Variants in CNTN4 observed in about 807,000 individuals in gnomAD.
CNTN4 encodes the protein contactin-4.
CNTN4 carries 77 observed loss-of-function variants against 122.5 expected under a neutral mutation model. The ratio of observed to expected loss-of-function variants is 0.63; its 90% CI spans 0.52 to 0.76. CNTN4 has a LOEUF of 0.76. CNTN4 is among the 30% of genes least tolerant of loss of function. The probability of loss-of-function intolerance (pLI) is 0.00; values close to 1 mark genes in which losing one functional copy is unlikely to be tolerated. For missense variants in CNTN4, 1,256 were observed against 1,259.1 expected (o/e 1.00, Z 0.04); for synonymous variants, 512 against 447.0 (o/e 1.15, Z -1.83).
chr3:2,962,575 A>T (rs80175623), intron 13 of CNTN4, among the ~76,000 whole-genome samples: 11,113 of 152,274 alleles, frequency 0.073, 446 homozygotes, highest in African/African-American at 0.091. Flanking sequence ...CAGAAGCTGT[A>T]TATTTACAGG....
At chr3:2,691,122 C>CT (rs2085715235) in intron 4 of CNTN4, among the ~76,000 whole-genome samples, 1 of 152,266 alleles carries the variant, frequency 6.6e-6, no homozygotes, top group African/African-American at 2.4e-5. Flanking sequence ...ATATGTATGG[C>CT]TTGTCTCTGC....
chr3:2,113,768 C>T lies in CNTN4; in HGVS notation c.-145+13129C>T, dbSNP rs151133114. Among the ~76,000 whole-genome samples, 221 of 152,264 alleles carry T rather than the reference C, an allele frequency of 1.5e-3. 1 individual carries two copies. The highest frequency in any genetic ancestry group is 4.9e-3 in the African/African-American group (203 of 41,576). On this transcript the variant is annotated intron_variant, in intron 2 of 24. Coordinates refer to ENST00000418658, the MANE Select transcript of CNTN4 (RefSeq NM_175607.3). ...ATGGAATAGACAATGCTTTGAAAAT[C>T]ACTGGAGGGAGGCTTTATTGTTTGT...
In CNTN4 at chr3:2,877,257, A is replaced by G. The variant is rs1185628654; in HGVS notation, c.653-5888A>G. Among the ~76,000 whole-genome samples the G allele has an allele frequency of 3.3e-5, 5 of 152,200 alleles. No homozygotes were observed. The South Asian group carries it at 6.2e-4, about 19-fold the overall frequency. On this transcript the variant is annotated intron_variant, in intron 8 of 24. Transcript: ENST00000418658. ...GTGCCCCCATTTGTGGGCACTGCAT[A>G]TGGCTTATTATTGGTGTCAAATGAA...
intron 3 of CNTN4, among the ~76,000 whole-genome samples, chr3:2,515,353 C>G (rs1260471270): frequency 6.6e-6 from 1 of 151,996 alleles, no homozygotes; most frequent in Non-Finnish European, 1.5e-5. Context: ...ACAATATTTA[C>G]TTTAAAAATA....
At chr3:2,147,612 C>G (rs1374346264) in intron 2 of CNTN4, among the ~76,000 whole-genome samples, 1 of 152,130 alleles carries the variant, frequency 6.6e-6, no homozygotes, top group Non-Finnish European at 1.5e-5. Flanking sequence ...CCAGTGAGGT[C>G]TTTCTCAGTC....
intron 2 of CNTN4, among the ~76,000 whole-genome samples, chr3:2,175,762 A>T (rs61023476): frequency 0.019 from 2,833 of 152,262 alleles, 88 homozygotes; most frequent in African/African-American, 0.065. Flanking sequence ...GTGTGTTGAA[A>T]ATGTCACAAC....
intron 2 of CNTN4, among the ~76,000 whole-genome samples, chr3:2,307,052 A>G (rs1439147659): frequency 6.6e-6 from 1 of 152,170 alleles, no homozygotes; most frequent in Non-Finnish European, 1.5e-5. Context: ...AGAAATTGAG[A>G]TAGTTTTGTT....
At chr3:2,892,282 G>C (rs1231291490) in intron 10 of CNTN4, 1 of 152,200 alleles carries the variant, frequency 6.6e-6, no homozygotes, top group Non-Finnish European at 1.5e-5. Flanking sequence ...GTAGAACCAA[G>C]CATTTGCATT....
Position 2,713,451 on chromosome 3 carries a change from A to G in CNTN4, c.56-22764A>G, listed in dbSNP as rs559713050. Among the ~76,000 whole-genome samples, 3 of 152,304 alleles carry G rather than the reference A, an allele frequency of 2.0e-5. No individual in the cohort carries two copies. The South Asian group carries it at 6.2e-4, about 32-fold the overall frequency. On this transcript the variant is annotated intron_variant, in intron 4 of 24. Coordinates refer to ENST00000418658, the MANE Select transcript of CNTN4 (RefSeq NM_175607.3). The stretch of plus-strand genomic sequence containing the variant: ...ATATGATTGAACAAAAAGGGGCATG[A>G]TCTAAAGGAAATAAACGGGGGAACT...
intron 3 of CNTN4, among the ~76,000 whole-genome samples, chr3:2,407,808 G>A (rs1226486842): frequency 6.6e-6 from 1 of 152,136 alleles, no homozygotes; most frequent in Non-Finnish European, 1.5e-5. Flanking sequence ...CCACTATTTT[G>A]AGAATGGGTA....
At chr3:2,322,900 T>C (rs1048460400) in intron 2 of CNTN4, among the ~76,000 whole-genome samples, 4 of 152,160 alleles carry the variant, frequency 2.6e-5, no homozygotes, top group Middle Eastern at 3.2e-3. Flanking sequence ...ATCTTTAAAA[T>C]AGAGGAAAAG....
rs372407535 is a variant in CNTN4 at position 2,183,337 on chromosome 3, G to A, written c.-145+82698G>A. ...TTTATCATGTAGGAATGTACTTCAC[G>A]GGAAATTTTCTTCTACATATGTTTT... On this transcript the variant is annotated intron_variant, in intron 2 of 24. Transcript: ENST00000418658. Among the ~76,000 whole-genome samples, 5 of 152,184 alleles carry A rather than the reference G, an allele frequency of 3.3e-5. No homozygotes were observed. The East Asian group carries it at 7.7e-4, about 24-fold the overall frequency.
At chr3:2,164,814 A>G (rs1266589106) in intron 2 of CNTN4, among the ~76,000 whole-genome samples, 2 of 152,194 alleles carry the variant, frequency 1.3e-5, no homozygotes, top group Non-Finnish European at 2.9e-5. Flanking sequence ...GTGCGTTTTG[A>G]TACATGAAAG....
At chr3:2,899,729 T>C (rs1440020467) in intron 10 of CNTN4, among the ~76,000 whole-genome samples, 3 of 152,196 alleles carry the variant, frequency 2.0e-5, no homozygotes, top group Admixed American at 1.3e-4. Flanking sequence ...TAAGTGCTAC[T>C]TTGAATTCTT....
intron 3 of CNTN4, among the ~76,000 whole-genome samples, chr3:2,536,100 A>G (rs572665579): frequency 6.6e-6 from 1 of 152,280 alleles, no homozygotes; most frequent in South Asian, 2.1e-4. Context: ...TTTTCTTTAG[A>G]GAACTGTCCA....
chr3:2,568,317 GAAA>G (rs770465722), intron 3 of CNTN4, among the ~76,000 whole-genome samples: 749 of 71,040 alleles, frequency 0.011, 7 homozygotes, highest in African/African-American at 0.036. Flanking sequence ...GCAAGAATGT[GAAA>G]AAAAAAAAAA....
At chr3:2,601,638 G>A (rs904260960) in intron 4 of CNTN4, among the ~76,000 whole-genome samples, 18 of 152,224 alleles carry the variant, frequency 1.2e-4, no homozygotes, top group South Asian at 6.2e-4. Context: ...GTCAGGTAGC[G>A]TGATGCCTCC....
intron 13 of CNTN4, among the ~76,000 whole-genome samples, chr3:2,982,937 C>T (rs529629336): frequency 1.3e-4 from 20 of 151,686 alleles, no homozygotes; most frequent in Admixed American, 9.2e-4. Flanking sequence ...CAAAGCTTGC[C>T]GGGCGCAGTG....
chr3:2,364,251 A>G (rs2045282024), intron 3 of CNTN4, among the ~76,000 whole-genome samples: 1 of 152,182 alleles, frequency 6.6e-6, no homozygotes. Flanking sequence ...ATTAAATGGA[A>G]ATAATATTTA....
Sources: allele counts gnomAD v4.1 joint callset (sites outside exome capture counted in the v4.1 genomes callset), GRCh38; gene constraint gnomAD v4.1.1; transcripts MANE v1.5; gene names NCBI Gene and HGNC (gene_info 2026-07-23, HGNC 2026-07-21).